Variants in MAD1L1 observed in about 807,000 individuals in gnomAD.
The protein encoded by MAD1L1 is mitotic arrest deficient 1 like 1.
A neutral mutation model predicts 96.9 loss-of-function variants in MAD1L1; 95 were observed. The ratio of observed to expected loss-of-function variants is 0.98; its 90% CI spans 0.83 to 1.16. The LOEUF (loss-of-function observed/expected upper bound fraction) is 1.16. Ranked by LOEUF, MAD1L1 falls within the 50% of genes most tolerant of loss-of-function variation. The probability of loss-of-function intolerance (pLI) is 0.00; values close to 1 mark genes in which losing one functional copy is unlikely to be tolerated. For missense variants in MAD1L1, 1,007 were observed against 954.4 expected (o/e 1.06, Z -0.73); for synonymous variants, 473 against 396.6 (o/e 1.19, Z -2.29).
At chr7:2,212,097 C>T (rs1792976746) in intron 10 of MAD1L1, among the ~76,000 whole-genome samples, 2 of 150,708 alleles carry the variant, frequency 1.3e-5, no homozygotes, top group South Asian at 4.1e-4. Context: ...GAGGTGGTCA[C>T]CTGCAGGGGC....
chr7:2,174,534 CG>C (rs1790858750), intron 10 of MAD1L1, among the ~76,000 whole-genome samples: 1 of 152,096 alleles, frequency 6.6e-6, no homozygotes, highest in Non-Finnish European at 1.5e-5. Flanking sequence ...CGTTTCTTTG[CG>C]GTACTTGTTG....
chr7:2,213,338 C>T (rs1793083442), intron 9 of MAD1L1, 65 bp from the exon 10 acceptor site: 1 of 1,448,548 alleles, frequency 6.9e-7, no homozygotes, highest in Non-Finnish European at 9.7e-7. Context: ...ATAAGACTGA[C>T]AATCATGATC....
intron 18 of MAD1L1, among the ~76,000 whole-genome samples, chr7:1,817,893 C>A (rs1373580190): frequency 6.6e-6 from 1 of 151,948 alleles, no homozygotes; most frequent in African/African-American, 2.4e-5. Context: ...CCCCTCCCCT[C>A]ACCACCTTTG....
intron 4 of MAD1L1, among the ~76,000 whole-genome samples, chr7:2,223,262 C>CATGCA (rs1193292102): frequency 1.3e-5 from 2 of 152,216 alleles, no homozygotes; most frequent in Non-Finnish European, 2.9e-5. Flanking sequence ...ATCTGCCACA[C>CATGCA]ATGCACCCCC....
At chr7:2,133,501 G>A (rs1032954817) in intron 11 of MAD1L1, among the ~76,000 whole-genome samples, 2 of 152,184 alleles carry the variant, frequency 1.3e-5, no homozygotes, top group African/African-American at 4.8e-5. Context: ...TCCATTTGGG[G>A]CTTCTCCTTT....
chr7:2,019,646 C>T (rs943600055), intron 12 of MAD1L1, among the ~76,000 whole-genome samples: 7 of 152,146 alleles, frequency 4.6e-5, no homozygotes, highest in African/African-American at 1.4e-4. Flanking sequence ...TCGGGCTGCC[C>T]GGCCCAGCCC....
intron 16 of MAD1L1, among the ~76,000 whole-genome samples, chr7:1,939,890 T>C (rs2128465778): frequency 6.6e-6 from 1 of 152,318 alleles, no homozygotes; most frequent in East Asian, 1.9e-4. Context: ...TCATCAGCCA[T>C]GGGCAATCGT....
At chr7:2,140,024 G>A (rs1788951696) in intron 11 of MAD1L1, among the ~76,000 whole-genome samples, 1 of 145,426 alleles carries the variant, frequency 6.9e-6, no homozygotes, top group African/African-American at 2.6e-5. Context: ...CTCCACTGCA[G>A]CACAGCACGC....
intron 11 of MAD1L1, among the ~76,000 whole-genome samples, chr7:2,144,838 G>A (rs1309371304): frequency 6.6e-6 from 1 of 152,088 alleles, no homozygotes; most frequent in Non-Finnish European, 1.5e-5. Flanking sequence ...CCGAAACGAG[G>A]CTTGAGCGTA....
chr7:2,110,862 CCCA>C (rs869100409), intron 11 of MAD1L1, among the ~76,000 whole-genome samples: 29 of 152,252 alleles, frequency 1.9e-4, no homozygotes, highest in Middle Eastern at 6.8e-3. Context: ...GCGCTCAGAC[CCCA>C]CCATCTCCCT....
At chr7:2,098,813 G>C (rs115590516) in intron 11 of MAD1L1, among the ~76,000 whole-genome samples, 1 of 152,292 alleles carries the variant, frequency 6.6e-6, no homozygotes, top group South Asian at 2.1e-4. Context: ...ACCAAGGCCC[G>C]GCGTCCCCAG....
At chr7:1,999,210 AAG>A (rs1404658813) in intron 14 of MAD1L1, among the ~76,000 whole-genome samples, 1 of 152,240 alleles carries the variant, frequency 6.6e-6, no homozygotes, top group Non-Finnish European at 1.5e-5. Flanking sequence ...TCAGCAATGA[AAG>A]GTCACAGCAG....
At chr7:2,229,892 C>T (rs1794105241) in intron 3 of MAD1L1, 92 bp downstream of exon 3, 8 of 1,374,892 alleles carry the variant, frequency 5.8e-6, no homozygotes, top group Non-Finnish European at 6.0e-6. Context: ...CTGCTAATAC[C>T]GACCCACCTC....
intron 18 of MAD1L1, among the ~76,000 whole-genome samples, chr7:1,824,171 T>TA (rs1460410703): frequency 6.6e-6 from 1 of 152,098 alleles, no homozygotes; most frequent in Non-Finnish European, 1.5e-5. Flanking sequence ...ACCTTCCAGA[T>TA]AGACGGCTCA....
intron 18 of MAD1L1, among the ~76,000 whole-genome samples, chr7:1,891,718 C>T (rs946601297): frequency 3.9e-5 from 6 of 151,960 alleles, no homozygotes; most frequent in South Asian, 2.1e-4. Flanking sequence ...GTAGCTGGGA[C>T]GATAAGCAGG....
intron 12 of MAD1L1, among the ~76,000 whole-genome samples, chr7:2,022,147 T>C (rs1289965080): frequency 6.6e-6 from 1 of 152,052 alleles, no homozygotes; most frequent in African/African-American, 2.4e-5. Flanking sequence ...GTTCATCTAA[T>C]GGACGATTGT....
intron 17 of MAD1L1, among the ~76,000 whole-genome samples, chr7:1,899,156 G>C (rs1286413677): frequency 6.6e-6 from 1 of 152,194 alleles, no homozygotes; most frequent in East Asian, 1.9e-4. Flanking sequence ...CAGAGTTTAC[G>C]GCTGCTTGGG....
chr7:1,847,140 C>T, intron 18 of MAD1L1: 1 of 384,610 alleles, frequency 2.6e-6, no homozygotes, highest in Non-Finnish European at 5.3e-6. Flanking sequence ...TTTTAAAGGC[C>T]TCTGACTTTC....
intron 14 of MAD1L1, among the ~76,000 whole-genome samples, chr7:2,000,615 C>A (rs1051672952): frequency 9.9e-5 from 15 of 152,202 alleles, no homozygotes; most frequent in African/African-American, 3.4e-4. Flanking sequence ...TGCGGCTCCT[C>A]CATTCGCCAC....
Sources: allele counts gnomAD v4.1 joint callset (sites outside exome capture counted in the v4.1 genomes callset), GRCh38; gene constraint gnomAD v4.1.1; transcripts MANE v1.5; gene names NCBI Gene and HGNC (gene_info 2026-07-23, HGNC 2026-07-21).